ITGBL1: variants seen among roughly 807,000 people sequenced by gnomAD.
The protein encoded by ITGBL1 is integrin beta-like protein 1.
Under a neutral mutation model 68.5 loss-of-function variants are expected in ITGBL1, and 51 were observed. The observed-to-expected ratio is 0.74, with a 90% CI of 0.59 to 0.94. The LOEUF (loss-of-function observed/expected upper bound fraction) is 0.94. Ranked by LOEUF, ITGBL1 falls within the 40% of genes least tolerant of loss-of-function variation. The pLI, the probability that ITGBL1 is intolerant of heterozygous loss-of-function variation, is 0.00. For synonymous variants in ITGBL1, 209 were observed against 227.3 expected, an observed-to-expected ratio of 0.92 and a Z score of 0.72; for missense variants, 649 against 647.4, an observed-to-expected ratio of 1.00 and a Z score of -0.03.
chr13:101,493,387 C>T (rs1288391839), intron 2 of ITGBL1, among the ~76,000 whole-genome samples: 7 of 151,670 alleles, frequency 4.6e-5, no homozygotes, highest in Non-Finnish European at 5.9e-5. Context: ...TTTAATAATC[C>T]TCATGTCATG....
At chr13:101,545,504 A>G (rs2049804128) in intron 2 of ITGBL1, among the ~76,000 whole-genome samples, 2 of 152,258 alleles carry the variant, frequency 1.3e-5, no homozygotes, top group South Asian at 2.1e-4. Context: ...AATAATTTTC[A>G]AAGATGTAAT....
At chr13:101,664,328 A>G (rs531932283) in intron 7 of ITGBL1, among the ~76,000 whole-genome samples, 8 of 152,270 alleles carry the variant, frequency 5.3e-5, no homozygotes, top group African/African-American at 1.9e-4. Flanking sequence ...CATAATATAT[A>G]TGGGACTTCC....
intron 7 of ITGBL1, among the ~76,000 whole-genome samples, chr13:101,615,193 C>T (rs1366801643): frequency 6.6e-6 from 1 of 152,072 alleles, no homozygotes; most frequent in Non-Finnish European, 1.5e-5. Context: ...TCTTACCTGC[C>T]TCTCTGTGTG....
intron 2 of ITGBL1, among the ~76,000 whole-genome samples, chr13:101,493,954 A>G (rs1413841645): frequency 1.3e-5 from 2 of 152,166 alleles, no homozygotes; most frequent in Non-Finnish European, 2.9e-5. Flanking sequence ...AACTAATTCT[A>G]TTTCTTTGTA....
chr13:101,535,144 C>T (rs2049550667), intron 2 of ITGBL1, among the ~76,000 whole-genome samples: 1 of 152,070 alleles, frequency 6.6e-6, no homozygotes, highest in African/African-American at 2.4e-5. Flanking sequence ...TGGCCCTTAG[C>T]TGCATTATGC....
intron 5 of ITGBL1, among the ~76,000 whole-genome samples, chr13:101,581,391 C>T (rs1001719150): frequency 6.6e-6 from 1 of 152,084 alleles, no homozygotes; most frequent in Non-Finnish European, 1.5e-5. Context: ...AAGAAAGTGA[C>T]CCATAAACCT....
rs144026820 is a variant in ITGBL1 at position 101,607,196 on chromosome 13, A to G, written c.1015+8897A>G. Among the ~76,000 whole-genome samples, 707 of 152,142 alleles carry G rather than the reference A, an allele frequency of 4.6e-3. 1 individual carries two copies. The highest frequency in any genetic ancestry group is 8.4e-3 in the Non-Finnish European group (574 of 67,958). ...TTTTTAAAAATTTCCTAAAAACACA[A>G]TGAGGTAGGAAGACGTATAATTATT... On this transcript the variant is annotated intron_variant, in intron 7 of 10. Transcript: ENST00000376180.
chr13:101,581,460 T>C (rs570844397), intron 5 of ITGBL1, among the ~76,000 whole-genome samples: 4 of 152,200 alleles, frequency 2.6e-5, no homozygotes, highest in Non-Finnish European at 5.9e-5. Context: ...TCCGTATTTA[T>C]TTATTAAAAT....
chr13:101,615,246 C>T lies in ITGBL1; in HGVS notation c.1015+16947C>T, dbSNP rs374347553. 6.6e-5 allele frequency among the ~76,000 whole-genome samples: 10 copies of T among 152,134 alleles called. 1 individual carries two copies. Among genetic ancestry groups the T allele is most frequent in the Admixed American group, 3.9e-4 (6 of 15,276 alleles). On this transcript the variant is annotated intron_variant, in intron 7 of 10. Coordinates refer to ENST00000376180, the MANE Select transcript of ITGBL1 (RefSeq NM_004791.3). ...TTTCTCCCATAAGCACAATAGTCTT[C>T]GGACTTAGGGCCCACCCTAAATCCA... is the stretch of plus-strand genomic sequence containing the variant.
intron 6 of ITGBL1, 42 bp from the exon 7 acceptor site, chr13:101,598,111 T>C (rs377547121): frequency 1.3e-6 from 2 of 1,549,078 alleles, no homozygotes; most frequent in Non-Finnish European, 1.7e-6. Context: ...AACTTCATTA[T>C]CTTTATGTAC....
intron 2 of ITGBL1, among the ~76,000 whole-genome samples, chr13:101,500,875 C>A (rs898616997): frequency 6.6e-6 from 1 of 152,188 alleles, no homozygotes; most frequent in Admixed American, 6.5e-5. Flanking sequence ...GCCTTTGAAC[C>A]ATTTCAGGAC....
chr13:101,455,432 C>T (rs753437725), intron 2 of ITGBL1, among the ~76,000 whole-genome samples: 4 of 151,994 alleles, frequency 2.6e-5, no homozygotes, highest in Non-Finnish European at 5.9e-5. Flanking sequence ...TTTGGGAGGC[C>T]GAGGCAGGTG....
At chr13:101,508,348 G>A (rs2049059022) in intron 2 of ITGBL1, among the ~76,000 whole-genome samples, 1 of 152,128 alleles carries the variant, frequency 6.6e-6, no homozygotes, top group African/African-American at 2.4e-5. Flanking sequence ...ACTGCATGAT[G>A]AGCATCTTTA....
chr13:101,489,513 C>G (rs550102061), intron 2 of ITGBL1, among the ~76,000 whole-genome samples: 128 of 152,214 alleles, frequency 8.4e-4, no homozygotes, highest in African/African-American at 2.9e-3. Flanking sequence ...TTTAGTTCCC[C>G]TTAAATGCTT....
intron 7 of ITGBL1, among the ~76,000 whole-genome samples, chr13:101,679,064 G>A (rs1444530524): frequency 2.0e-5 from 3 of 151,556 alleles, no homozygotes; most frequent in African/African-American, 4.9e-5. Context: ...GTGCCACCAC[G>A]CCCAGGTAAT....
chr13:101,605,794 A>AGGTG (rs2030787681), intron 7 of ITGBL1, among the ~76,000 whole-genome samples: 1 of 150,588 alleles, frequency 6.6e-6, no homozygotes, highest in African/African-American at 2.4e-5. Context: ...ATGTGCGTAT[A>AGGTG]TGTACTCGTG....
At chr13:101,571,535 C>G (rs2050272712) in intron 3 of ITGBL1, among the ~76,000 whole-genome samples, 1 of 152,090 alleles carries the variant, frequency 6.6e-6, no homozygotes, top group South Asian at 2.1e-4. Context: ...AGTACACTAA[C>G]ATGCTTCTAA....
intron 7 of ITGBL1, among the ~76,000 whole-genome samples, chr13:101,599,060 A>G (rs2030184007): frequency 6.6e-6 from 1 of 152,166 alleles, no homozygotes; most frequent in Admixed American, 6.6e-5. Flanking sequence ...CAACAGTGTA[A>G]AAGTGTTCCT....
At chr13:101,531,653 T>G (rs1476086482) in intron 2 of ITGBL1, among the ~76,000 whole-genome samples, 1 of 151,816 alleles carries the variant, frequency 6.6e-6, no homozygotes, top group Non-Finnish European at 1.5e-5. Flanking sequence ...TTTAGGTATT[T>G]TATTAGTGAT....
Sources: allele counts gnomAD v4.1 joint callset (sites outside exome capture counted in the v4.1 genomes callset), GRCh38; gene constraint gnomAD v4.1.1; transcripts MANE v1.5; gene names NCBI Gene and HGNC (gene_info 2026-07-23, HGNC 2026-07-21).